The following DST variants were observed in gnomAD, a reference collection of about 807,000 sequenced individuals.
DST encodes the protein dystonin, also known as bullous pemphigoid antigen.
A neutral mutation model predicts 875.2 loss-of-function variants in DST; 253 were observed. The ratio of observed to expected loss-of-function variants is 0.29; its 90% CI spans 0.26 to 0.32. The LOEUF (loss-of-function observed/expected upper bound fraction) is 0.32. DST is among the 10% of genes least tolerant of loss of function. The pLI is 1.00. For synonymous variants in DST, 3,124 were observed against 3,197.1 expected (o/e 0.98, Z 0.77); for missense variants, 8,287 against 9,111.6 (o/e 0.91, Z 3.68).
intron 36 of DST, chr6:56,617,862 G>T: frequency 1.3e-6 from 1 of 794,916 alleles, no homozygotes; most frequent in Non-Finnish European, 2.2e-6. Context: ...TTATTTTCCT[G>T]TCAGAACTAC....
intron 64 of DST, 67 bp downstream of exon 64, chr6:56,532,277 A>G: frequency 7.0e-7 from 1 of 1,433,376 alleles, no homozygotes; most frequent in South Asian, 1.2e-5. Context: ...AACAAAATAC[A>G]AAATGTCAGT....
intron 23 of DST, 24 bp from the exon 24 acceptor site, chr6:56,635,738 G>T: frequency 6.2e-7 from 1 of 1,611,508 alleles, no homozygotes; most frequent in Non-Finnish European, 8.5e-7. Flanking sequence ...AAACCTGGAA[G>T]TTAAAGTATG....
At chr6:56,804,147 T>C (rs1340823999) in intron 4 of DST, among the ~76,000 whole-genome samples, 1 of 152,198 alleles carries the variant, frequency 6.6e-6, no homozygotes, top group African/African-American at 2.4e-5. Flanking sequence ...ATATATTGCA[T>C]AATTAAGTAG....
chr6:56,503,060 C>G (rs73749942), intron 78 of DST, among the ~76,000 whole-genome samples: 5,326 of 152,118 alleles, frequency 0.035, 114 homozygotes, highest in Non-Finnish European at 0.043. Context: ...AAACAACAAA[C>G]ATTTACAAAA....
chr6:56,551,848 T>C (rs1159041016), intron 61 of DST, among the ~76,000 whole-genome samples: 1 of 152,154 alleles, frequency 6.6e-6, no homozygotes. Flanking sequence ...ACATCTGCAA[T>C]AGAGTTCAAA....
At chr6:56,799,305 T>C (rs1249659830) in intron 4 of DST, among the ~76,000 whole-genome samples, 1 of 151,546 alleles carries the variant, frequency 6.6e-6, no homozygotes, top group African/African-American at 2.4e-5. Flanking sequence ...TAGTGAACTA[T>C]GATTGTGCCA....
At position 56,601,640 on chromosome 6, in the gene DST, G is replaced by C; in HGVS notation, c.11344C>G (p.Leu3782Val). The C allele has an allele frequency of 6.3e-7, 1 of 1,590,880 alleles. No homozygotes were observed. Among genetic ancestry groups the C allele is most frequent in the Non-Finnish European group, 8.6e-7 (1 of 1,167,648 alleles). Residue 3782 changes from leucine (L) to valine (V), a missense_variant, in exon 44 of 104, where the codon CTG becomes GTG. Leu to Val is a conservative substitution (Grantham distance 32). This residue lies in a region of DST where 3,138 missense variants were observed against 3,116.6 expected (regional missense o/e 1.01). Coordinates refer to ENST00000680361, the MANE Select transcript of DST (RefSeq NM_001374736.1). ...LKDLGHTKMQLETTAFDVQFF... is the reference protein window; with the variant it reads ...LKDLGHTKMQVETTAFDVQFF... ...TGCACATCAAAGGCAGTAGTCTCCA[G>C]CTGCATTTTGGTATGTCCAAGGTCT... is the stretch of plus-strand genomic sequence containing the variant.
At chr6:56,685,475 G>A (rs899318298) in intron 9 of DST, among the ~76,000 whole-genome samples, 4 of 152,114 alleles carry the variant, frequency 2.6e-5, no homozygotes, top group Non-Finnish European at 5.9e-5. Context: ...CAGTCAGAAT[G>A]GTCATTATTA....
intron 71 of DST, among the ~76,000 whole-genome samples, chr6:56,516,450 G>A (rs372239896): frequency 1.3e-5 from 2 of 152,050 alleles, no homozygotes; most frequent in African/African-American, 4.8e-5. Flanking sequence ...TGCCATTGTA[G>A]AGTATAAATA....
chr6:56,894,716 C>G (rs1240638710), intron 3 of DST, among the ~76,000 whole-genome samples: 2 of 72,174 alleles, frequency 2.8e-5, no homozygotes, highest in Admixed American at 1.0e-4. Flanking sequence ...GCTGACCCCC[C>G]CCACCTCCCT....
intron 10 of DST, among the ~76,000 whole-genome samples, chr6:56,668,608 A>T (rs2099083987): frequency 6.6e-6 from 1 of 152,018 alleles, no homozygotes; most frequent in Admixed American, 6.6e-5. Context: ...ATTTTAAAAA[A>T]TTTAAAAAAA....
chr6:56,629,134 G>A (rs1318052669), intron 32 of DST, 116 bp downstream of exon 32: 7 of 989,226 alleles, frequency 7.1e-6, no homozygotes, highest in African/African-American at 4.9e-5. Context: ...TAGAGGTATT[G>A]TAATTAACAA....
chr6:56,774,953 T>C (rs1226778747), intron 4 of DST, among the ~76,000 whole-genome samples: 2 of 146,882 alleles, frequency 1.4e-5, no homozygotes, highest in African/African-American at 5.1e-5. Flanking sequence ...GATGGCGCCA[T>C]TGCACTCCAG....
rs554295638 is a variant in DST, at chr6:56,917,309, G to A, written c.217-16688C>T. 2.0e-4 allele frequency among the ~76,000 whole-genome samples: 30 copies of A among 152,322 alleles called. No individual in the cohort carries two copies. The South Asian group carries it at 6.0e-3, about 30-fold the overall frequency. ...AAAATCTTCTGATAATTTATGCTGA[G>A]TAAAGACAGAGAAAAAGCAGAAGGG... On this transcript the variant is annotated intron_variant, in intron 2 of 103. Coordinates refer to ENST00000680361, the MANE Select transcript of DST (RefSeq NM_001374736.1).
intron 60 of DST, among the ~76,000 whole-genome samples, chr6:56,553,964 G>A (rs2097360849): frequency 6.6e-6 from 1 of 151,864 alleles, no homozygotes; most frequent in Non-Finnish European, 1.5e-5. Flanking sequence ...ATCGCCTGCT[G>A]TGCTGGTGTC....
chr6:56,856,869 A>T (rs1427444659), intron 3 of DST, among the ~76,000 whole-genome samples: 2 of 152,180 alleles, frequency 1.3e-5, no homozygotes, highest in African/African-American at 4.8e-5. Context: ...AGATGTCTGC[A>T]CTTATTTTTA....
intron 4 of DST, among the ~76,000 whole-genome samples, chr6:56,842,683 A>AAGC (rs2099801724): frequency 1.3e-5 from 2 of 152,288 alleles, no homozygotes; most frequent in Admixed American, 6.5e-5. Context: ...TACCCTAGCC[A>AAGC]AGCAGCAGCA....
At chr6:56,749,516 T>A (rs2099581505) in intron 4 of DST, among the ~76,000 whole-genome samples, 1 of 152,176 alleles carries the variant, frequency 6.6e-6, no homozygotes, top group African/African-American at 2.4e-5. Flanking sequence ...AAATCAGATA[T>A]ACCTTAATAC....
At chr6:56,494,938 T>C (rs1423362078) in intron 82 of DST, among the ~76,000 whole-genome samples, 2 of 152,006 alleles carry the variant, frequency 1.3e-5, no homozygotes, top group African/African-American at 4.8e-5. Context: ...ATATTTTATG[T>C]CTCACATTTT....
Sources: allele counts gnomAD v4.1 joint callset (sites outside exome capture counted in the v4.1 genomes callset), GRCh38; gene constraint gnomAD v4.1.1; regional missense constraint gnomAD v4.1.1; transcripts MANE v1.5; gene names NCBI Gene and HGNC (gene_info 2026-07-23, HGNC 2026-07-21).